PPFIBP2: variants seen among roughly 807,000 people sequenced by gnomAD.
PPFIBP2 encodes PPFIB scaffold protein 2.
PPFIBP2 carries 118 observed loss-of-function variants against 118.3 expected under a neutral mutation model. The observed-to-expected ratio is 1.00, with a 90% CI of 0.86 to 1.16. PPFIBP2 has a LOEUF of 1.16. PPFIBP2 is among the 50% of genes most tolerant of loss of function. The pLI, the probability that PPFIBP2 is intolerant of heterozygous loss-of-function variation, is 0.00. For synonymous variants in PPFIBP2, 414 were observed against 397.4 expected (o/e 1.04, Z -0.50); for missense variants, 1,195 against 1,073.1 (o/e 1.11, Z -1.59).
intron 5 of PPFIBP2, among the ~76,000 whole-genome samples, chr11:7,604,073 A>G (rs1847021567): frequency 6.6e-6 from 1 of 152,150 alleles, no homozygotes; most frequent in Admixed American, 6.5e-5. Flanking sequence ...CCTGGCGAGG[A>G]TGTGGGTGCT....
At chr11:7,598,876 T>C (rs1268132684) in intron 5 of PPFIBP2, among the ~76,000 whole-genome samples, 5 of 128,010 alleles carry the variant, frequency 3.9e-5, no homozygotes, top group Non-Finnish European at 7.7e-5. Context: ...TTAGTTTTGT[T>C]TGAGTGCCTT....
At position 7,577,332 on chromosome 11, in the gene PPFIBP2, T is replaced by TGTGTGTGTGC. The variant is rs1554958811; in HGVS notation, c.279+11574_279+11575insCGTGTGTGTG. 6.7e-3 allele frequency: 1,641 copies of TGTGTGTGTGC among 243,608 alleles called. 14 individuals are homozygous for TGTGTGTGTGC. Among genetic ancestry groups the TGTGTGTGTGC allele is most frequent in the African/African-American group, 0.015 (565 of 38,016 alleles). 15.1% of individuals were successfully genotyped at this position (243,608 alleles called of 1,614,324 possible). A position where few individuals can be genotyped will look rare whatever the true frequency, so the allele number is the denominator to read the frequency against. On this transcript the variant is annotated intron_variant, in intron 3 of 23. Transcript: ENST00000299492. Reference sequence around the variant, plus strand: ...GTGCATGTATGTGCGTGTGTGTGTGTGTGTGTGTGTGTGTGTGTGTTTGTT... The same window carrying TGTGTGTGTGC: ...GTGCATGTATGTGCGTGTGTGTGTGTGTGTGTGTGCGTGTGTGTGTGTGTGTGTGTTTGTT...
chr11:7,603,722 T>C (rs919456474), intron 5 of PPFIBP2, among the ~76,000 whole-genome samples: 16 of 152,236 alleles, frequency 1.1e-4, no homozygotes, highest in African/African-American at 2.7e-4. Flanking sequence ...CTCCGAGATA[T>C]AAACTTTCTT....
intron 1 of PPFIBP2, among the ~76,000 whole-genome samples, chr11:7,522,438 G>A (rs1849840858): frequency 6.6e-6 from 1 of 152,190 alleles, no homozygotes; most frequent in Non-Finnish European, 1.5e-5. Context: ...CCCTTTATAT[G>A]TTTACCCATA....
At chr11:7,553,962 G>A (rs1289754362) in intron 2 of PPFIBP2, among the ~76,000 whole-genome samples, 1 of 152,046 alleles carries the variant, frequency 6.6e-6, no homozygotes, top group Non-Finnish European at 1.5e-5. Context: ...TTTTGTTCTT[G>A]TCTCTCTTAC....
intron 8 of PPFIBP2, among the ~76,000 whole-genome samples, chr11:7,627,313 G>A (rs1384720164): frequency 6.6e-6 from 1 of 152,176 alleles, no homozygotes; most frequent in Non-Finnish European, 1.5e-5. Context: ...TAAATAATGA[G>A]CAAGCAATTC....
the PPFIBP2 span, chr11:7,665,082 G>A: frequency 1.8e-5 from 4 of 228,412 alleles, no homozygotes; most frequent in Admixed American, 1.0e-4. Flanking sequence ...GTCCCCCACA[G>A]AGCCACACTT....
chr11:7,547,259 G>A (rs1364433261), intron 1 of PPFIBP2, among the ~76,000 whole-genome samples: 1 of 152,274 alleles, frequency 6.6e-6, no homozygotes, highest in East Asian at 1.9e-4. Flanking sequence ...TAGGAAGTGA[G>A]CTCAGGGTAG....
downstream of PPFIBP2, among the ~76,000 whole-genome samples, chr11:7,654,730 A>C (rs996638537): frequency 3.3e-5 from 5 of 152,294 alleles, no homozygotes; most frequent in South Asian, 6.2e-4. Context: ...CTTGTTTCTT[A>C]TGTTGCGGTA....
chr11:7,650,196 C>G (rs1011894761), intron 21 of PPFIBP2, among the ~76,000 whole-genome samples: 8 of 152,166 alleles, frequency 5.3e-5, no homozygotes, highest in African/African-American at 1.7e-4. Flanking sequence ...CTTCGGAGTT[C>G]TTGGTGGACC....
intron 8 of PPFIBP2, among the ~76,000 whole-genome samples, chr11:7,626,136 G>A (rs963627947): frequency 2.0e-5 from 3 of 152,136 alleles, no homozygotes; most frequent in Non-Finnish European, 2.9e-5. Flanking sequence ...CTAACTAGAA[G>A]GTTTTTCTCA....
At chr11:7,533,885 G>A (rs1037064444) in intron 1 of PPFIBP2, among the ~76,000 whole-genome samples, 1 of 152,238 alleles carries the variant, frequency 6.6e-6, no homozygotes, top group Non-Finnish European at 1.5e-5. Flanking sequence ...TCTCCTGAAA[G>A]CACTGTGAAG....
chr11:7,619,007 T>C (rs1037180278), intron 6 of PPFIBP2, among the ~76,000 whole-genome samples: 1 of 151,496 alleles, frequency 6.6e-6, no homozygotes, highest in Non-Finnish European at 1.5e-5. Context: ...AACTTTGTGG[T>C]GGATTATCTC....
intron 1 of PPFIBP2, among the ~76,000 whole-genome samples, chr11:7,534,951 G>A (rs961918912): frequency 1.3e-5 from 2 of 152,336 alleles, no homozygotes; most frequent in East Asian, 1.9e-4. Flanking sequence ...TGCATTGCAG[G>A]TGCATCACTA....
At chr11:7,549,041 T>C (rs1852645446) in intron 1 of PPFIBP2, among the ~76,000 whole-genome samples, 1 of 152,224 alleles carries the variant, frequency 6.6e-6, no homozygotes, top group African/African-American at 2.4e-5. Flanking sequence ...TTGTGCTGCA[T>C]TGCCTTGTAC....
intron 21 of PPFIBP2, among the ~76,000 whole-genome samples, chr11:7,650,310 T>C (rs1853791334): frequency 6.6e-6 from 1 of 152,204 alleles, no homozygotes; most frequent in Non-Finnish European, 1.5e-5. Context: ...CTACCTTTGC[T>C]GTCTATCTCC....
intron 6 of PPFIBP2, 63 bp from the exon 7 acceptor site, chr11:7,620,872 G>T (rs772645735): frequency 8.2e-7 from 1 of 1,213,612 alleles, no homozygotes. Flanking sequence ...GCTTAACCAG[G>T]TTGGTAAATC....
chr11:7,533,768 G>A (rs1468697780), intron 1 of PPFIBP2, among the ~76,000 whole-genome samples: 4 of 152,226 alleles, frequency 2.6e-5, no homozygotes, highest in African/African-American at 4.8e-5. Flanking sequence ...TTCTGTATGC[G>A]AGGGTAGGAC....
chr11:7,526,763 C>A (rs948393892), intron 1 of PPFIBP2, among the ~76,000 whole-genome samples: 1 of 152,076 alleles, frequency 6.6e-6, no homozygotes, highest in Non-Finnish European at 1.5e-5. Flanking sequence ...TATCCCAAGT[C>A]GCAGGCTGAA....
Sources: allele counts gnomAD v4.1 joint callset (sites outside exome capture counted in the v4.1 genomes callset), GRCh38; gene constraint gnomAD v4.1.1; transcripts MANE v1.5; gene names NCBI Gene and HGNC (gene_info 2026-07-23, HGNC 2026-07-21).